HTT-AS: variants seen among roughly 807,000 people sequenced by gnomAD.
HTT-AS encodes the protein HTT antisense RNA (head to head).
At chr4:3,054,149 C>T (rs543838027) in intron 2 of HTT-AS, among the ~76,000 whole-genome samples, 11 of 151,306 alleles carry the variant, frequency 7.3e-5, no homozygotes, top group Non-Finnish European at 1.0e-4. Context: ...ATAAGGCCTG[C>T]GGACATGTGG....
At chr4:3,052,482 A>T (rs1711722373) in intron 2 of HTT-AS, among the ~76,000 whole-genome samples, 1 of 152,200 alleles carries the variant, frequency 6.6e-6, no homozygotes, top group South Asian at 2.1e-4. Flanking sequence ...GAAACCCCAG[A>T]AATTGGAAGT....
intron 2 of HTT-AS, among the ~76,000 whole-genome samples, chr4:3,053,473 C>T (rs1711750423): frequency 6.6e-6 from 1 of 152,092 alleles, no homozygotes; most frequent in African/African-American, 2.4e-5. Context: ...GTGGAGGTTG[C>T]CCTGAGCCAA....
exon 2 of HTT-AS, among the ~76,000 whole-genome samples, chr4:3,062,845 C>G (rs977961846): frequency 6.6e-6 from 1 of 152,066 alleles, no homozygotes; most frequent in African/African-American, 2.4e-5. Context: ...ACTTGAGGGC[C>G]AAGCAGCATT....
intron 2 of HTT-AS, among the ~76,000 whole-genome samples, chr4:3,053,117 C>T (rs1711739509): frequency 6.6e-6 from 1 of 152,202 alleles, no homozygotes; most frequent in South Asian, 2.1e-4. Flanking sequence ...GGACTCCATC[C>T]TAAAGCCAGT....
At chr4:3,057,369 A>G (rs555335109) in intron 2 of HTT-AS, among the ~76,000 whole-genome samples, 1 of 152,168 alleles carries the variant, frequency 6.6e-6, no homozygotes, top group South Asian at 2.1e-4. Context: ...AATGACCTCA[A>G]GGTTCATCCA....
At chr4:3,068,966 T>C (rs1029294914) in intron 1 of HTT-AS, among the ~76,000 whole-genome samples, 1 of 152,078 alleles carries the variant, frequency 6.6e-6, no homozygotes, top group African/African-American at 2.4e-5. Flanking sequence ...ATGTGTGTGT[T>C]TATATGGAAT....
chr4:3,066,782 A>G (rs1712064673), intron 1 of HTT-AS, among the ~76,000 whole-genome samples: 1 of 152,260 alleles, frequency 6.6e-6, no homozygotes, highest in Non-Finnish European at 1.5e-5. Flanking sequence ...TTAAGCTTCA[A>G]ATGACTCTCT....
At chr4:3,069,394 G>A (rs992857652) in intron 1 of HTT-AS, among the ~76,000 whole-genome samples, 1 of 151,668 alleles carries the variant, frequency 6.6e-6, no homozygotes, top group Non-Finnish European at 1.5e-5. Flanking sequence ...GACCTCAGGC[G>A]ATCTGCCTAC....
exon 2 of HTT-AS, among the ~76,000 whole-genome samples, chr4:3,062,740 T>TG (rs1352920935): frequency 6.6e-6 from 1 of 151,912 alleles, no homozygotes; most frequent in East Asian, 1.9e-4. Flanking sequence ...AACAGACTCT[T>TG]GCGGTTTCCC....
chr4:3,068,274 C>A (rs1182695970), intron 1 of HTT-AS, among the ~76,000 whole-genome samples: 1 of 140,022 alleles, frequency 7.1e-6, no homozygotes, highest in African/African-American at 2.8e-5. Flanking sequence ...CCACTGCACT[C>A]CAGCCTGGGT....
intron 2 of HTT-AS, among the ~76,000 whole-genome samples, chr4:3,058,528 C>G (rs1179004778): frequency 3.9e-5 from 6 of 151,984 alleles, no homozygotes. Flanking sequence ...TTTACTGCAA[C>G]CTGTTTTATC....
intron 2 of HTT-AS, among the ~76,000 whole-genome samples, chr4:3,050,161 G>A (rs963698843): frequency 3.9e-5 from 6 of 152,104 alleles, no homozygotes; most frequent in Non-Finnish European, 7.4e-5. Flanking sequence ...CTGGTTCTCC[G>A]TGAGTCCATA....
At chr4:3,049,885 A>G (rs1227860145) in intron 2 of HTT-AS, among the ~76,000 whole-genome samples, 1 of 150,714 alleles carries the variant, frequency 6.6e-6, no homozygotes, top group Non-Finnish European at 1.5e-5. Flanking sequence ...GTTATAAACT[A>G]TTTTAGCAAT....
At chr4:3,069,341 A>T (rs1442571093) in intron 1 of HTT-AS, among the ~76,000 whole-genome samples, 4 of 150,242 alleles carry the variant, frequency 2.7e-5, no homozygotes, top group Non-Finnish European at 5.9e-5. Context: ...TATTTAGTAG[A>T]GATGGGGTTT....
intron 2 of HTT-AS, among the ~76,000 whole-genome samples, chr4:3,062,104 T>G (rs1711938726): frequency 6.6e-6 from 1 of 151,700 alleles, no homozygotes; most frequent in African/African-American, 2.4e-5. Flanking sequence ...CCCTTTAGCT[T>G]CAGTGATTTG....
chr4:3,055,992 C>T (rs762618534), intron 2 of HTT-AS, among the ~76,000 whole-genome samples: 4 of 152,138 alleles, frequency 2.6e-5, no homozygotes, highest in Non-Finnish European at 4.4e-5. Flanking sequence ...CAGAAATTTG[C>T]ACAAAGAAAA....
At chr4:3,053,001 A>T (rs1377147757) in intron 2 of HTT-AS, among the ~76,000 whole-genome samples, 1 of 152,086 alleles carries the variant, frequency 6.6e-6, no homozygotes, top group African/African-American at 2.4e-5. Flanking sequence ...TCTCAAAAAA[A>T]AAAAAGAGAC....
At chr4:3,063,145 G>A (rs899387256) in exon 2 of HTT-AS, among the ~76,000 whole-genome samples, 4 of 152,212 alleles carry the variant, frequency 2.6e-5, no homozygotes, top group African/African-American at 7.2e-5. Context: ...AGGAAGGGAG[G>A]TGCTCAGTGG....
intron 1 of HTT-AS, chr4:3,063,765 G>A (rs1711988593): frequency 6.6e-6 from 1 of 152,102 alleles, no homozygotes; most frequent in African/African-American, 2.4e-5. Context: ...ATGAACTCTT[G>A]GCCTCAAGCA....
Sources: gnomAD v4.1 joint callset for allele counts (sites outside exome capture counted in the v4.1 genomes callset) on GRCh38, gnomAD v4.1.1 for gene constraint, MANE v1.5 for transcripts, NCBI Gene and HGNC (gene_info 2026-07-23, HGNC 2026-07-21) for gene names.